The following WDFY3 variants were observed in gnomAD, a reference collection of about 807,000 sequenced individuals.
The protein encoded by WDFY3 is WD repeat and FYVE domain-containing protein 3.
In WDFY3, 66 loss-of-function variants were observed where a neutral mutation model predicts 409.6. That is an observed-to-expected ratio of 0.16 (90% CI 0.13 to 0.20). The LOEUF (loss-of-function observed/expected upper bound fraction) is 0.20, where lower values mean the gene tolerates loss of function less well. Ranked by LOEUF, WDFY3 falls within the 10% of genes least tolerant of loss-of-function variation. WDFY3 has a pLI of 1.00. For synonymous variants in WDFY3, 1,521 were observed against 1,537.1 expected (o/e 0.99, Z 0.25); for missense variants, 3,031 against 4,298.1 (o/e 0.71, Z 8.24).
intron 26 of WDFY3, 84 bp from the exon 27 acceptor site, chr4:84,778,739 A>G (rs1485723208): frequency 7.3e-7 from 1 of 1,373,724 alleles, no homozygotes; most frequent in Non-Finnish European, 9.9e-7. Context: ...ATACACACAC[A>G]AACACACACA....
In WDFY3 at chr4:84,716,825, T is replaced by A. The variant is rs936786928; in HGVS notation, c.7875+71A>T. On this transcript the variant is annotated intron_variant, in intron 49 of 67. Coordinates refer to ENST00000295888, the MANE Select transcript of WDFY3 (RefSeq NM_014991.6). ...AAAAATAAAAATAAAAAATAAAAAATAAAATAAAATAAAACAATACATTTT... is the reference window on the plus strand; with the variant it reads ...AAAAATAAAAATAAAAAATAAAAAAAAAAATAAAATAAAACAATACATTTT... The A allele has an allele frequency of 3.2e-6, 4 of 1,261,478 alleles. No individual in the cohort carries two copies. The Admixed American group carries it at 8.9e-5, about 28-fold the overall frequency. 78.1% of individuals were successfully genotyped at this position (1,261,478 alleles called of 1,614,324 possible).
intron 18 of WDFY3, among the ~76,000 whole-genome samples, chr4:84,797,748 T>G (rs1378295563): frequency 4.0e-5 from 6 of 151,484 alleles, no homozygotes; most frequent in African/African-American, 1.5e-4. Flanking sequence ...GCCCGGCTAA[T>G]TTTTTTTGTA....
chr4:84,740,405 T>C lies in WDFY3; in HGVS notation c.6246A>G (p.Arg2082=). The C allele has an allele frequency of 1.9e-6, 3 of 1,614,170 alleles. No homozygotes were observed. The highest frequency in any genetic ancestry group is 1.7e-5 in the Admixed American group (1 of 60,012). The change falls in exon 39 of 68, where the codon AGA becomes AGG. Residue 2082 remains arginine (R), a synonymous_variant. Transcript: ENST00000295888. The part of the protein sequence containing the change: ...IIQLIAQSKR[R]SQGLSLDAVY... ...CTGCATCCAGTGACAATCCCTGTGA[T>C]CTTCTCTTTGACTAAAGACATGAAA...
At chr4:84,676,979 G>A (rs1161120269) in intron 67 of WDFY3, among the ~76,000 whole-genome samples, 1 of 152,172 alleles carries the variant, frequency 6.6e-6, no homozygotes. Flanking sequence ...TAGCATATGT[G>A]CATTCTGTGT....
At position 84,794,905 on chromosome 4, in the gene WDFY3, C is replaced by A; in HGVS notation, c.3242G>T (p.Gly1081Val). 1 of 1,580,376 alleles carries A rather than the reference C, an allele frequency of 6.3e-7. No individual in the cohort carries two copies. The highest frequency in any genetic ancestry group is 1.2e-5 in the South Asian group (1 of 82,688). ...NNTVTTGLID[G>V]AVVSGIGSGE... Reference sequence around the variant, plus strand: ...AGAACCAATGCCACTGACCACAGCCCCATCAATAAGACCTGTTGTGACGGT... The same window carrying A: ...AGAACCAATGCCACTGACCACAGCCACATCAATAAGACCTGTTGTGACGGT... Residue 1081 changes from glycine (G) to valine (V), a missense_variant, in exon 20 of 68, where the codon GGG becomes GTG. Coordinates refer to ENST00000295888, the MANE Select transcript of WDFY3 (RefSeq NM_014991.6).
intron 66 of WDFY3, 121 bp from the exon 67 acceptor site, chr4:84,677,517 G>T: frequency 2.3e-6 from 2 of 880,774 alleles, no homozygotes; most frequent in Non-Finnish European, 1.6e-6. Context: ...GTCCTGGAGA[G>T]ACCCCTTGAT....
chr4:84,791,631 T>A (rs945322273), intron 21 of WDFY3, among the ~76,000 whole-genome samples: 26 of 152,196 alleles, frequency 1.7e-4, no homozygotes, highest in Non-Finnish European at 7.3e-5. Flanking sequence ...TCTTGCTATA[T>A]GCTATGCTCA....
rs530407885 is a variant in WDFY3 at position 84,771,552 on chromosome 4, C to G, written c.4849+1283G>C. On this transcript the variant is annotated intron_variant, in intron 30 of 67. Transcript: ENST00000295888. ...TATTAATTTAGAACTTAGAAATAATCTTTGCATTTCGTAGGAAAATGTAGT... is the reference window on the plus strand; with the variant it reads ...TATTAATTTAGAACTTAGAAATAATGTTTGCATTTCGTAGGAAAATGTAGT... Among the ~76,000 whole-genome samples the G allele has an allele frequency of 6.6e-5, 10 of 152,254 alleles. No homozygotes were observed. In the South Asian group the frequency reaches 2.1e-3, roughly 32 times the overall value.
intron 3 of WDFY3, among the ~76,000 whole-genome samples, chr4:84,874,361 C>T (rs1762500008): frequency 6.6e-6 from 1 of 151,694 alleles, no homozygotes; most frequent in Non-Finnish European, 1.5e-5. Context: ...TGCAGTGAGC[C>T]GAGATTGTGC....
chr4:84,909,849 T>TA (rs1767532637), intron 2 of WDFY3, among the ~76,000 whole-genome samples: 2 of 152,304 alleles, frequency 1.3e-5, no homozygotes, highest in South Asian at 4.1e-4. Context: ...CAAAGAAAGT[T>TA]ACAATATGAA....
chr4:84,794,038 C>T (rs1030959379), intron 21 of WDFY3, among the ~76,000 whole-genome samples: 6 of 152,104 alleles, frequency 3.9e-5, no homozygotes, highest in Admixed American at 3.3e-4. Context: ...CTGTACAGCA[C>T]TGTAAAGTCA....
chr4:84,960,571 T>C (rs759136640), intron 1 of WDFY3, among the ~76,000 whole-genome samples: 10 of 152,218 alleles, frequency 6.6e-5, no homozygotes, highest in African/African-American at 9.6e-5. Flanking sequence ...CTTTCATTAT[T>C]ACGGGGTACT....
At position 84,904,281 on chromosome 4, in the gene WDFY3, C is replaced by T. The variant is rs965300716; in HGVS notation, c.-131-7271G>A. 1.8e-4 allele frequency among the ~76,000 whole-genome samples: 27 copies of T among 152,096 alleles called. 1 individual carries two copies. The highest frequency in any genetic ancestry group is 1.5e-5 in the Non-Finnish European group (1 of 68,030). On this transcript the variant is annotated intron_variant, in intron 2 of 67. Coordinates refer to ENST00000295888, the MANE Select transcript of WDFY3 (RefSeq NM_014991.6). ...TTGAGACGGAGTTTCGCTCTTGTTG[C>T]CCAGGCTGGAGTGCAATGGCGCGAT...
chr4:84,765,388 A>G lies in WDFY3; in HGVS notation c.5188+422T>C, dbSNP rs76562702. ...AATGAATTTGGTTTCCTAATCTGCA[A>G]AATAGATATGATAGCATTTGCACCT... On this transcript the variant is annotated intron_variant, in intron 32 of 67. Coordinates refer to ENST00000295888, the MANE Select transcript of WDFY3 (RefSeq NM_014991.6). 6.8e-3 allele frequency among the ~76,000 whole-genome samples: 1,041 copies of G among 152,316 alleles called. 11 individuals are homozygous for G. The highest frequency in any genetic ancestry group is 0.023 in the African/African-American group (973 of 41,582).
intron 7 of WDFY3, among the ~76,000 whole-genome samples, chr4:84,836,397 AG>A (rs2149985400): frequency 6.6e-6 from 1 of 152,254 alleles, no homozygotes; most frequent in African/African-American, 2.4e-5. Context: ...TTCCTGGGCT[AG>A]CTAATAAAGG....
At chr4:84,887,041 G>A (rs945215549) in intron 3 of WDFY3, among the ~76,000 whole-genome samples, 16 of 152,100 alleles carry the variant, frequency 1.1e-4, no homozygotes, top group Non-Finnish European at 1.5e-4. Flanking sequence ...AGGTGCTTGG[G>A]ATACAGTGGT....
intron 58 of WDFY3, among the ~76,000 whole-genome samples, chr4:84,695,172 A>T (rs1352573548): frequency 1.3e-5 from 2 of 152,074 alleles, no homozygotes; most frequent in Non-Finnish European, 2.9e-5. Flanking sequence ...GGATGACAGA[A>T]GGGATGAGGT....
At chr4:84,850,127 A>C (rs1461802964) in intron 4 of WDFY3, 102 bp from the exon 5 acceptor site, 3 of 1,300,926 alleles carry the variant, frequency 2.3e-6, no homozygotes, top group Non-Finnish European at 3.1e-6. Flanking sequence ...AGTCCAGAAA[A>C]GTCTACCTAC....
At chr4:84,823,046 C>T (rs958069216) in intron 10 of WDFY3, among the ~76,000 whole-genome samples, 3 of 152,030 alleles carry the variant, frequency 2.0e-5, no homozygotes, top group African/African-American at 7.2e-5. Context: ...CAATATGATT[C>T]TGAGAAGAAA....
Sources: gnomAD v4.1 joint callset for allele counts (sites outside exome capture counted in the v4.1 genomes callset) on GRCh38, gnomAD v4.1.1 for gene constraint, MANE v1.5 for transcripts, NCBI Gene and HGNC (gene_info 2026-07-23, HGNC 2026-07-21) for gene names.